The following THSD4 variants were observed in gnomAD, a reference collection of about 807,000 sequenced individuals.
The protein encoded by THSD4 is thrombospondin type-1 domain-containing protein 4.
Under a neutral mutation model 119.0 loss-of-function variants are expected in THSD4, and 69 were observed. The observed-to-expected ratio is 0.58, with a 90% CI of 0.48 to 0.71. The LOEUF is 0.71. Ranked by LOEUF, THSD4 falls within the 30% of genes least tolerant of loss-of-function variation. The pLI, the probability that THSD4 is intolerant of heterozygous loss-of-function variation, is 0.00. For missense variants in THSD4, 1,393 were observed against 1,391.1 expected, an observed-to-expected ratio of 1.00 and a Z score of -0.02; for synonymous variants, 524 against 540.4, an observed-to-expected ratio of 0.97 and a Z score of 0.42.
chr15:71,455,047 C>A (rs2047318607), intron 7 of THSD4, among the ~76,000 whole-genome samples: 1 of 152,220 alleles, frequency 6.6e-6, no homozygotes, highest in Non-Finnish European at 1.5e-5. Context: ...ATGGCTGCAT[C>A]ACCTGCTGAT....
chr15:71,265,959 C>T (rs1172458945), intron 6 of THSD4, among the ~76,000 whole-genome samples: 2 of 152,214 alleles, frequency 1.3e-5, no homozygotes, highest in Admixed American at 6.5e-5. Context: ...CAGCCCCATT[C>T]AGGGGCTTAC....
At chr15:71,302,854 C>T (rs1449066702) in intron 6 of THSD4, among the ~76,000 whole-genome samples, 1 of 152,080 alleles carries the variant, frequency 6.6e-6, no homozygotes, top group Non-Finnish European at 1.5e-5. Flanking sequence ...CCTGCCGCCG[C>T]CTCATTTAGC....
intron 5 of THSD4, 39 bp downstream of exon 5, chr15:71,243,135 G>T: frequency 6.4e-7 from 1 of 1,562,492 alleles, no homozygotes; most frequent in Non-Finnish European, 8.7e-7. Context: ...GGAAACAGCT[G>T]CCCCTCGTTT....
intron 6 of THSD4, among the ~76,000 whole-genome samples, chr15:71,324,256 G>A (rs542018801): frequency 2.1e-4 from 32 of 151,696 alleles, no homozygotes; most frequent in Non-Finnish European, 3.5e-4. Context: ...CGATAGCGCC[G>A]TATACAGCTT....
rs2043844892 is a variant in THSD4, at chr15:71,206,486, A to C, written c.100-8549A>C. Among the ~76,000 whole-genome samples, 3 of 152,180 alleles carry C rather than the reference A, an allele frequency of 2.0e-5. No homozygotes were observed. In the South Asian group the frequency reaches 6.2e-4, roughly 31 times the overall value. ...TGTATTTTTGAAACGTTTGCTTTAG[A>C]GTGTTGACTTGGTTATGTGGCTAAA... is the stretch of plus-strand genomic sequence containing the variant. On this transcript the variant is annotated intron_variant, in intron 3 of 17. Coordinates refer to ENST00000261862, the MANE Select transcript of THSD4 (RefSeq NM_024817.3).
At chr15:71,303,064 A>G (rs1296179936) in intron 6 of THSD4, among the ~76,000 whole-genome samples, 4 of 152,026 alleles carry the variant, frequency 2.6e-5, no homozygotes. Flanking sequence ...GCTCCTCACC[A>G]TGCTTTCCTA....
chr15:71,748,333 G>T, intron 13 of THSD4, 88 bp from the exon 14 acceptor site: 1 of 1,518,542 alleles, frequency 6.6e-7, no homozygotes, highest in Admixed American at 1.8e-5. Flanking sequence ...TCATGGGGCT[G>T]ATCACAAAGG....
intron 7 of THSD4, among the ~76,000 whole-genome samples, chr15:71,448,283 G>A (rs2047216519): frequency 6.6e-6 from 1 of 152,220 alleles, no homozygotes; most frequent in South Asian, 2.1e-4. Flanking sequence ...TGAGAAGACT[G>A]ACGCCCAGAG....
At chr15:71,733,589 G>A (rs1345194278) in intron 10 of THSD4, 1 of 152,126 alleles carries the variant, frequency 6.6e-6, no homozygotes, top group Non-Finnish European at 1.5e-5. Flanking sequence ...TTTAAACCAT[G>A]AAGCATAATA....
At chr15:71,105,232 T>C (rs1371971087) in intron 1 of THSD4, among the ~76,000 whole-genome samples, 1 of 152,140 alleles carries the variant, frequency 6.6e-6, no homozygotes, top group Non-Finnish European at 1.5e-5. Flanking sequence ...AGCTGCAAAT[T>C]GGGGTTTCCC....
At chr15:71,586,214 A>G (rs2049667046) in intron 7 of THSD4, among the ~76,000 whole-genome samples, 1 of 152,156 alleles carries the variant, frequency 6.6e-6, no homozygotes, top group South Asian at 2.1e-4. Flanking sequence ...TGGCAGATAA[A>G]GACTTTCTCT....
intron 7 of THSD4, among the ~76,000 whole-genome samples, chr15:71,617,990 CCAAA>C (rs1358759706): frequency 6.6e-6 from 1 of 152,174 alleles, no homozygotes; most frequent in Non-Finnish European, 1.5e-5. Flanking sequence ...TCCAAAGACT[CCAAA>C]CAATCAGCAC....
intron 6 of THSD4, among the ~76,000 whole-genome samples, chr15:71,395,097 C>G (rs1025534200): frequency 6.6e-6 from 1 of 152,204 alleles, no homozygotes; most frequent in African/African-American, 2.4e-5. Context: ...TGAGTAGTTA[C>G]AGGCCCAGTT....
chr15:71,775,554 G>GA (rs906768269), intron 17 of THSD4, among the ~76,000 whole-genome samples: 1 of 151,340 alleles, frequency 6.6e-6, no homozygotes, highest in African/African-American at 2.4e-5. Flanking sequence ...CTAAAAATAC[G>GA]AAAAAAATTA....
intron 1 of THSD4, among the ~76,000 whole-genome samples, chr15:71,134,192 G>A (rs372714494): frequency 2.0e-4 from 31 of 152,342 alleles, no homozygotes; most frequent in Middle Eastern, 6.8e-3. Flanking sequence ...AGGACTGTGA[G>A]CCAAGGACAT....
intron 6 of THSD4, among the ~76,000 whole-genome samples, chr15:71,362,637 A>T (rs545360649): frequency 1.3e-5 from 2 of 152,284 alleles, no homozygotes; most frequent in African/African-American, 4.8e-5. Flanking sequence ...GTATTCTTGA[A>T]CTATTTTGCA....
At chr15:71,684,857 A>G (rs1403390792) in intron 8 of THSD4, among the ~76,000 whole-genome samples, 2 of 152,184 alleles carry the variant, frequency 1.3e-5, no homozygotes, top group African/African-American at 4.8e-5. Context: ...AATAAAAAAC[A>G]TCTGGCACTA....
intron 6 of THSD4, among the ~76,000 whole-genome samples, chr15:71,332,451 A>G (rs1382676216): frequency 3.3e-5 from 5 of 152,170 alleles, no homozygotes; most frequent in Admixed American, 3.3e-4. Flanking sequence ...TAAAATGCAG[A>G]AGGAGTAAAC....
intron 6 of THSD4, among the ~76,000 whole-genome samples, chr15:71,363,614 C>A (rs1181945001): frequency 6.6e-6 from 1 of 152,196 alleles, no homozygotes; most frequent in Non-Finnish European, 1.5e-5. Context: ...ACAAAATGAA[C>A]ATGCGTCAAA....
Sources: allele counts gnomAD v4.1 joint callset (sites outside exome capture counted in the v4.1 genomes callset), GRCh38; gene constraint gnomAD v4.1.1; transcripts MANE v1.5; gene names NCBI Gene and HGNC (gene_info 2026-07-23, HGNC 2026-07-21).